Variants in BTBD7 observed in about 807,000 individuals in gnomAD.
The protein encoded by BTBD7 is BTB/POZ domain-containing protein 7.
In BTBD7, 38 loss-of-function variants were observed where a neutral mutation model predicts 99.9. The observed-to-expected ratio is 0.38, with a 90% CI of 0.29 to 0.50. The LOEUF (loss-of-function observed/expected upper bound fraction) is 0.50, where lower values mean the gene tolerates loss of function less well. Among genes scored for constraint, BTBD7 ranks in the 20% least tolerant of loss-of-function variants. The pLI, the probability that BTBD7 is intolerant of heterozygous loss-of-function variation, is 0.93. For synonymous variants in BTBD7, 520 were observed against 511.4 expected (o/e 1.02, Z -0.23); for missense variants, 1,170 against 1,394.6 (o/e 0.84, Z 2.57).
At chr14:93,289,926 G>A (rs1179945152) in intron 3 of BTBD7, among the ~76,000 whole-genome samples, 1 of 141,484 alleles carries the variant, frequency 7.1e-6, no homozygotes, top group Non-Finnish European at 1.5e-5. Flanking sequence ...CTGTGATCTC[G>A]ACTTACTGCA....
At chr14:93,259,548 G>GT (rs2052466096) in intron 5 of BTBD7, among the ~76,000 whole-genome samples, 1 of 152,184 alleles carries the variant, frequency 6.6e-6, no homozygotes, top group South Asian at 2.1e-4. Context: ...AGTATCACCA[G>GT]TATTGATTTT....
chr14:93,315,824 A>G (rs982933253), intron 1 of BTBD7, among the ~76,000 whole-genome samples: 1 of 152,148 alleles, frequency 6.6e-6, no homozygotes. Context: ...CCATCCATCC[A>G]TTGATGGACA....
chr14:93,330,479 C>G (rs761734339), intron 1 of BTBD7, among the ~76,000 whole-genome samples: 2 of 152,202 alleles, frequency 1.3e-5, no homozygotes, highest in Non-Finnish European at 2.9e-5. Context: ...TGGGGTCTCA[C>G]TCATCTCTCT....
At chr14:93,290,181 A>C (rs2052831050) in intron 3 of BTBD7, among the ~76,000 whole-genome samples, 1 of 150,884 alleles carries the variant, frequency 6.6e-6, no homozygotes, top group Non-Finnish European at 1.5e-5. Context: ...CCACTTGCCA[A>C]ACCACTCTAG....
intron 1 of BTBD7, among the ~76,000 whole-genome samples, chr14:93,305,842 C>A (rs1217082434): frequency 2.0e-5 from 3 of 152,150 alleles, no homozygotes; most frequent in Non-Finnish European, 4.4e-5. Flanking sequence ...CTGGTGAGGG[C>A]CTTCTTGCTG....
chr14:93,267,198 G>A (rs1245908831), intron 3 of BTBD7, among the ~76,000 whole-genome samples: 1 of 152,112 alleles, frequency 6.6e-6, no homozygotes, highest in Non-Finnish European at 1.5e-5. Flanking sequence ...AAGAATGAAA[G>A]ATAACATGAT....
At position 93,267,703 on chromosome 14, in the gene BTBD7, A is replaced by T. The variant is rs944759583; in HGVS notation, c.1163-3710T>A. ...TTCAGTCACCAAAGGCAGAGATCTC[A>T]GTACTATTATTGGGTTCTTCTCCGG... On this transcript the variant is annotated intron_variant, in intron 3 of 10. Coordinates refer to ENST00000334746, the MANE Select transcript of BTBD7 (RefSeq NM_001002860.4). Among the ~76,000 whole-genome samples the T allele has an allele frequency of 2.6e-5, 4 of 152,308 alleles. No individual in the cohort carries two copies. The South Asian group carries it at 8.3e-4, about 32-fold the overall frequency.
At chr14:93,316,639 G>T (rs534221420) in intron 1 of BTBD7, among the ~76,000 whole-genome samples, 32 of 152,208 alleles carry the variant, frequency 2.1e-4, no homozygotes, top group African/African-American at 7.0e-4. Flanking sequence ...ATTCACTGTT[G>T]TATCTCCAGT....
intron 3 of BTBD7, among the ~76,000 whole-genome samples, chr14:93,264,785 A>C (rs1384206521): frequency 1.3e-5 from 2 of 152,232 alleles, no homozygotes; most frequent in Non-Finnish European, 2.9e-5. Context: ...GAAAACAAAC[A>C]AACAAACAAA....
intron 1 of BTBD7, among the ~76,000 whole-genome samples, chr14:93,303,414 A>G (rs1355481075): frequency 6.6e-6 from 1 of 151,988 alleles, no homozygotes; most frequent in East Asian, 1.9e-4. Context: ...GACCAGCCTG[A>G]ACAACATAGC....
rs547595321 is a variant in BTBD7 at position 93,331,793 on chromosome 14, A to C, written c.-107+1027T>G. Among the ~76,000 whole-genome samples, 3 of 151,868 alleles carry C rather than the reference A, an allele frequency of 2.0e-5. No individual in the cohort carries two copies. In the East Asian group the frequency reaches 5.8e-4, roughly 29 times the overall value. On this transcript the variant is annotated intron_variant, in intron 1 of 10. Transcript: ENST00000334746. The stretch of plus-strand genomic sequence containing the variant: ...CTACTTGGGAGGCTGAGACAGGAGA[A>C]TCGCTTGAACCTGAGAGGCGGAGGT...
intron 1 of BTBD7, among the ~76,000 whole-genome samples, chr14:93,324,626 C>G (rs543462397): frequency 6.6e-6 from 1 of 152,144 alleles, no homozygotes; most frequent in East Asian, 1.9e-4. Context: ...CCCTTGTGAT[C>G]CCAAGACAGC....
chr14:93,271,354 G>T (rs1225875251), intron 3 of BTBD7, among the ~76,000 whole-genome samples: 1 of 152,136 alleles, frequency 6.6e-6, no homozygotes. Context: ...ATTGAGGTCG[G>T]GGTGGAAAGA....
intron 1 of BTBD7, among the ~76,000 whole-genome samples, chr14:93,317,328 T>C (rs1372583427): frequency 2.0e-5 from 3 of 150,998 alleles, no homozygotes; most frequent in East Asian, 3.9e-4. Context: ...AATCATATCA[T>C]AGTAGTCAAC....
At chr14:93,282,706 C>T (rs985178406) in intron 3 of BTBD7, among the ~76,000 whole-genome samples, 20 of 152,134 alleles carry the variant, frequency 1.3e-4, no homozygotes, top group Admixed American at 1.3e-3. Flanking sequence ...TTGTACAATG[C>T]AGAGGTTCTT....
chr14:93,331,873 T>G (rs1011935825), intron 1 of BTBD7, among the ~76,000 whole-genome samples: 5 of 129,326 alleles, frequency 3.9e-5, no homozygotes, highest in African/African-American at 1.8e-4. Context: ...AGAGCGAGAC[T>G]CCGTCTCCCC....
At chr14:93,262,133 A>ATTT (rs747240844) in intron 4 of BTBD7, among the ~76,000 whole-genome samples, 1 of 140,690 alleles carries the variant, frequency 7.1e-6, no homozygotes, top group Admixed American at 7.2e-5. Flanking sequence ...CACCCAGCTA[A>ATTT]TTTTTTTTTT....
chr14:93,309,405 C>T (rs1160988147), intron 1 of BTBD7, among the ~76,000 whole-genome samples: 1 of 95,032 alleles, frequency 1.1e-5, no homozygotes, highest in Non-Finnish European at 2.0e-5. Context: ...CCTCTGTCTC[C>T]AAGAAAAAAA....
rs569944654 is a variant in BTBD7, at chr14:93,239,636, C to T, written c.*2637G>A. 6 of 152,454 alleles carry T rather than the reference C, an allele frequency of 3.9e-5. No homozygotes were observed. The highest frequency in any genetic ancestry group is 8.8e-5 in the Non-Finnish European group (6 of 68,034). 9.4% of individuals were successfully genotyped at this position (152,454 alleles called of 1,614,324 possible). ...CCTAACCTAACGCACACAAAACCCA[C>T]GCCTGTTTACCTTCTGCAAGTCGCA... On this transcript the variant is annotated 3_prime_UTR_variant, in exon 11 of 11. Transcript: ENST00000334746.
Sources: allele counts gnomAD v4.1 joint callset (sites outside exome capture counted in the v4.1 genomes callset), GRCh38; gene constraint gnomAD v4.1.1; transcripts MANE v1.5; gene names NCBI Gene and HGNC (gene_info 2026-07-23, HGNC 2026-07-21).